Variants in ISG20L2 observed in about 807,000 individuals in gnomAD.
ISG20L2 encodes the protein interferon-stimulated 20 kDa exonuclease-like 2.
In ISG20L2, 14 loss-of-function variants were observed where a neutral mutation model predicts 27.8. The ratio of observed to expected loss-of-function variants is 0.50; its 90% CI spans 0.33 to 0.79. ISG20L2 has a LOEUF of 0.79. ISG20L2 is among the 30% of genes least tolerant of loss of function. The probability of loss-of-function intolerance (pLI) is 0.02; values close to 1 mark genes in which losing one functional copy is unlikely to be tolerated. For synonymous variants in ISG20L2, 157 were observed against 165.7 expected, an observed-to-expected ratio of 0.95 and a Z score of 0.40; for missense variants, 393 against 435.1, an observed-to-expected ratio of 0.90 and a Z score of 0.86.
chr1:156,728,669 G>A lies in ISG20L2; in HGVS notation c.-372C>T, dbSNP rs906028198. ...TGCGCTCCCCGGCCCCTCTAGCCCCGTGGTGGTACAACGCGAAGGTGTGGG... is the reference window on the plus strand; with the variant it reads ...TGCGCTCCCCGGCCCCTCTAGCCCCATGGTGGTACAACGCGAAGGTGTGGG... On this transcript the variant is annotated 5_prime_UTR_variant, in exon 1 of 4. It adds an upstream start codon to the 5' untranslated region. Transcript: ENST00000368219. The A allele has an allele frequency of 9.1e-6, 9 of 987,636 alleles. No individual in the cohort carries two copies. The highest frequency in any genetic ancestry group is 1.7e-5 in the African/African-American group (1 of 57,292). The allele number at this position is 987,636 out of a possible 1,614,324, so 61.2% of individuals were successfully genotyped here.
At position 156,726,680 on chromosome 1, in the gene ISG20L2, G is replaced by A. The variant is rs182371165; in HGVS notation, c.747+226C>T. On this transcript the variant is annotated intron_variant, in intron 2 of 3. Coordinates refer to ENST00000368219, the MANE Select transcript of ISG20L2 (RefSeq NM_001370150.2). ...ATTATAGGCAAGTGCCACTGCGCCC[G>A]GCTAAAATAGATCTTGACCAATGAA... The A allele has an allele frequency of 7.1e-6, 7 of 985,224 alleles. No homozygotes were observed. The South Asian group carries it at 2.3e-4, about 33-fold the overall frequency. The allele number at this position is 985,224 out of a possible 1,614,324, so 61.0% of individuals were successfully genotyped here.
intron 2 of ISG20L2, 70 bp downstream of exon 2, chr1:156,726,836 C>T (rs1013952822): frequency 1.9e-6 from 3 of 1,547,668 alleles, no homozygotes; most frequent in African/African-American, 2.7e-5. Flanking sequence ...TAGTGATATC[C>T]TTTGCTGAAA....
intron 2 of ISG20L2, chr1:156,726,292 C>T (rs1391892639): frequency 1.0e-6 from 1 of 985,344 alleles, no homozygotes; most frequent in Non-Finnish European, 1.2e-6. Flanking sequence ...GGCTCCAACT[C>T]GCAAGGTTTT....
chr1:156,724,651 T>C (rs983359743), intron 2 of ISG20L2: 7 of 1,130,494 alleles, frequency 6.2e-6, no homozygotes, highest in South Asian at 2.8e-5. Context: ...ATGTTTGAGA[T>C]GTCCATGTAT....
chr1:156,724,019 G>A, intron 3 of ISG20L2, 129 bp downstream of exon 3: 1 of 1,127,748 alleles, frequency 8.9e-7, no homozygotes, highest in South Asian at 1.4e-5. Flanking sequence ...GTGTACAGAT[G>A]GAGCTCTTCC....
Position 156,721,896 on chromosome 1 carries a change from T to C in ISG20L2, c.*1453A>G, listed in dbSNP as rs1648557210. Reference sequence around the variant, plus strand: ...AAAGAAGAAACTGTACATAATTGCTTTTCCATTATAAAAATTTATCAAGGG... The same window carrying C: ...AAAGAAGAAACTGTACATAATTGCTCTTCCATTATAAAAATTTATCAAGGG... On this transcript the variant is annotated 3_prime_UTR_variant, in exon 4 of 4. Transcript: ENST00000368219. The C allele has an allele frequency of 6.6e-6, 1 of 152,194 alleles. No individual in the cohort carries two copies. Among genetic ancestry groups the C allele is most frequent in the African/African-American group, 2.4e-5 (1 of 41,432 alleles). 9.4% of individuals were successfully genotyped at this position (152,194 alleles called of 1,614,324 possible).
chr1:156,724,471 C>T (rs1648671622), intron 2 of ISG20L2, 123 bp from the exon 3 acceptor site: 4 of 1,392,362 alleles, frequency 2.9e-6, no homozygotes, highest in Non-Finnish European at 2.8e-6. Flanking sequence ...ACCTCTCCAT[C>T]CTTGAAATGC....
chr1:156,723,493 G>A, intron 3 of ISG20L2, 31 bp from the exon 4 acceptor site: 4 of 1,613,624 alleles, frequency 2.5e-6, no homozygotes, highest in Non-Finnish European at 3.4e-6. Flanking sequence ...AGAGCATGAA[G>A]AGAAAAGAAA....
rs753038276 is a variant in ISG20L2 at position 156,727,635 on chromosome 1, G to A, written c.18C>T (p.Leu6=). 1.8e-5 allele frequency: 29 copies of A among 1,613,296 alleles called. No individual in the cohort carries two copies. Among genetic ancestry groups the A allele is most frequent in the Non-Finnish European group, 2.4e-5 (28 of 1,179,910 alleles). Residue 6 remains leucine, a synonymous_variant, in exon 2 of 4, where the codon CTC becomes CTT. Transcript: ENST00000368219. The part of the protein sequence containing the change: MSTLL[L]NLDFGEPPPK... ...GAGGAGGTTCCCCAAAATCCAGATT[G>A]AGCAGTAAAGTAGACATAGGGACAA...
Position 156,728,538 on chromosome 1 carries a change from A to G in ISG20L2, c.-241T>C. On this transcript the variant is annotated 5_prime_UTR_variant, in exon 1 of 4. Transcript: ENST00000368219. ...ACGCGCCAGAGGTCGGCGCGCGCACACCCGCACCGCCCCGACCCCAGGTAG... is the reference window on the plus strand; with the variant it reads ...ACGCGCCAGAGGTCGGCGCGCGCACGCCCGCACCGCCCCGACCCCAGGTAG... 4.1e-6 allele frequency: 4 copies of G among 980,958 alleles called. No individual in the cohort carries two copies. The East Asian group carries it at 3.6e-4, about 88-fold the overall frequency. 60.8% of individuals were successfully genotyped at this position (980,958 alleles called of 1,614,324 possible). A position where few individuals can be genotyped will look rare whatever the true frequency, so the allele number is the denominator to read the frequency against.
rs200161207 is a variant in ISG20L2 at position 156,724,233 on chromosome 1, G to T, written c.863C>A (p.Pro288His). 1.8e-4 allele frequency: 293 copies of T among 1,613,936 alleles called. No homozygotes were observed. The highest frequency in any genetic ancestry group is 2.3e-4 in the Non-Finnish European group (269 of 1,180,000). The change falls in exon 3 of 4, where the codon CCC becomes CAC. Residue 288 changes from proline to histidine, a missense_variant. By Grantham distance (77) the Pro-to-His change is moderately conservative (BLOSUM62 -2). This residue lies in a region of ISG20L2 where 171 missense variants were observed against 195.3 expected (regional missense o/e 0.88). Coordinates refer to ENST00000368219, the MANE Select transcript of ISG20L2 (RefSeq NM_001370150.2). ...CGGGCAGTCAGCCTTCCGGTTGAGG[G>T]GGGGGATATGGGAGGTGTCACGGGT... is the stretch of plus-strand genomic sequence containing the variant. ...SLTRDTSHIP[P>H]LNRKADCPEN... is the part of the protein sequence containing the mutation.
chr1:156,725,891 T>G, intron 2 of ISG20L2: 1 of 985,518 alleles, frequency 1.0e-6, no homozygotes, highest in African/African-American at 1.7e-5. Flanking sequence ...TGACCGCATA[T>G]AAGGCATTAT....
At chr1:156,727,916 G>A in intron 1 of ISG20L2, 147 bp from the exon 2 acceptor site, 1 of 1,223,508 alleles carries the variant, frequency 8.2e-7, no homozygotes, top group Non-Finnish European at 1.0e-6. Context: ...TGAAATGATG[G>A]AGGGAGCATT....
chr1:156,726,584 A>G (rs1648771684), intron 2 of ISG20L2: 1 of 812,138 alleles, frequency 1.2e-6, no homozygotes, highest in Non-Finnish European at 1.5e-6. Flanking sequence ...GAGTTCCGCT[A>G]TGTTGCCCAG....
At chr1:156,724,829 ATTC>A (rs759812201) in intron 2 of ISG20L2, 1 of 290,574 alleles carries the variant, frequency 3.4e-6, no homozygotes, top group Non-Finnish European at 5.1e-6. Context: ...CTTTCATCAA[ATTC>A]TCAGAGTCTA....
At chr1:156,725,346 A>G (rs1410222384) in intron 2 of ISG20L2, 1 of 152,194 alleles carries the variant, frequency 6.6e-6, no homozygotes, top group Non-Finnish European at 1.5e-5. Flanking sequence ...TCTCACCTCA[A>G]ACTCCTGAGT....
At chr1:156,726,232 G>A (rs1648752194) in intron 2 of ISG20L2, 9 of 985,170 alleles carry the variant, frequency 9.1e-6, no homozygotes, top group Non-Finnish European at 1.1e-5. Context: ...ACTTGCCCCA[G>A]GCTACTTTTT....
chr1:156,724,124 G>C, intron 3 of ISG20L2, 24 bp downstream of exon 3: 1 of 1,590,906 alleles, frequency 6.3e-7, no homozygotes, highest in Non-Finnish European at 8.6e-7. Context: ...CAAGATGGGG[G>C]CGGGGGATGT....
chr1:156,728,756 G>A lies in ISG20L2; in HGVS notation c.-459C>T. ...ACCTCCGGCTTCACTTCCGTAAGAG[G>A]AGAGGAGTGTACGGCAAGGGGCGGG... On this transcript the variant is annotated 5_prime_UTR_variant, in exon 1 of 4. Transcript: ENST00000368219. 1.9e-6 allele frequency: 2 copies of A among 1,032,300 alleles called. No homozygotes were observed. The highest frequency in any genetic ancestry group is 2.3e-6 in the Non-Finnish European group (2 of 858,738). 63.9% of individuals were successfully genotyped at this position (1,032,300 alleles called of 1,614,324 possible). A position where few individuals can be genotyped will look rare whatever the true frequency, so the allele number is the denominator to read the frequency against.
Sources: allele counts gnomAD v4.1 joint callset, GRCh38; gene constraint gnomAD v4.1.1; regional missense constraint gnomAD v4.1.1; transcripts MANE v1.5; gene names NCBI Gene and HGNC (gene_info 2026-07-23, HGNC 2026-07-21).